The following CYRIB variants were observed in gnomAD, a reference collection of about 807,000 sequenced individuals.
CYRIB encodes the protein CYFIP-related Rac1 interactor B.
In CYRIB, 8 loss-of-function variants were observed where a neutral mutation model predicts 44.2. The ratio of observed to expected loss-of-function variants is 0.18; its 90% CI spans 0.11 to 0.33. The LOEUF is 0.33. Ranked by LOEUF, CYRIB falls within the 10% of genes least tolerant of loss-of-function variation. The pLI is 1.00. For missense variants in CYRIB, 185 were observed against 382.8 expected (o/e 0.48, Z 4.31); for synonymous variants, 131 against 127.2 (o/e 1.03, Z -0.20).
chr8:129,974,733 A>G (rs1365636082), intron 1 of CYRIB, among the ~76,000 whole-genome samples: 1 of 151,112 alleles, frequency 6.6e-6, no homozygotes, highest in East Asian at 1.9e-4. Flanking sequence ...TTTTTTTTTA[A>G]ACTTCAAACA....
At position 129,981,404 on chromosome 8, in the gene CYRIB, G is replaced by T. The variant is rs2096235106; in HGVS notation, c.-295-10409C>A. Among the ~76,000 whole-genome samples, 3 of 152,320 alleles carry T rather than the reference G, an allele frequency of 2.0e-5. No homozygotes were observed. The South Asian group carries it at 6.2e-4, about 32-fold the overall frequency. ...GGACTCAAAAGATCTGCCAACCTCA[G>T]CCGCCCGAAGCGCTGTGATTACAGG... On this transcript the variant is annotated intron_variant, in intron 1 of 14. Transcript: ENST00000401979.
intron 1 of CYRIB, among the ~76,000 whole-genome samples, chr8:129,923,284 G>A (rs1364680858): frequency 6.6e-6 from 1 of 151,394 alleles, no homozygotes; most frequent in African/African-American, 2.4e-5. Context: ...ATGTATGTAT[G>A]TATGTTTGAG....
At chr8:129,917,178 G>A (rs527261634) in intron 1 of CYRIB, among the ~76,000 whole-genome samples, 1 of 152,128 alleles carries the variant, frequency 6.6e-6, no homozygotes, top group Admixed American at 6.5e-5. Flanking sequence ...AGATTTAAGC[G>A]CTGATCTTAA....
chr8:129,984,082 G>C (rs1043760765), intron 1 of CYRIB, among the ~76,000 whole-genome samples: 1 of 152,250 alleles, frequency 6.6e-6, no homozygotes, highest in Non-Finnish European at 1.5e-5. Flanking sequence ...CTGAATGCCT[G>C]AGGAGGTGAT....
At chr8:129,925,050 A>C (rs1431914657) in intron 1 of CYRIB, among the ~76,000 whole-genome samples, 1 of 152,116 alleles carries the variant, frequency 6.6e-6, no homozygotes, top group Non-Finnish European at 1.5e-5. Flanking sequence ...CACCTTGCTA[A>C]CCTTGGGTGG....
intron 2 of CYRIB, chr8:129,949,204 C>T (rs146007081): frequency 1.4e-4 from 21 of 152,154 alleles, no homozygotes; most frequent in South Asian, 8.3e-4. Context: ...TACAGAAATA[C>T]CATCATTAGA....
chr8:129,936,122 G>C (rs1490925647), intron 1 of CYRIB, among the ~76,000 whole-genome samples: 1 of 152,122 alleles, frequency 6.6e-6, no homozygotes, highest in Non-Finnish European at 1.5e-5. Flanking sequence ...GAGATTTGCT[G>C]TTTTAAGTAT....
intron 2 of CYRIB, among the ~76,000 whole-genome samples, chr8:129,953,349 C>G (rs948787466): frequency 6.6e-6 from 1 of 152,168 alleles, no homozygotes; most frequent in African/African-American, 2.4e-5. Flanking sequence ...TGAGCGGACT[C>G]TTGACCCCTT....
rs2085897620 is a variant in CYRIB at position 129,924,291 on chromosome 8, C to CCGG, written c.-50+15316_-50+15317insCCG. 1.4e-3 allele frequency among the ~76,000 whole-genome samples: 2 copies of CCGG among 1,416 alleles called. 1 individual carries two copies. Among genetic ancestry groups the CCGG allele is most frequent in the African/African-American group, 3.1e-3 (2 of 646 alleles). 0.9% of individuals were successfully genotyped at this position (1,416 alleles called of 152,430 possible). On this transcript the variant is annotated intron_variant, in intron 1 of 11. Transcript: ENST00000519824. ...CTGCCTCCAAAAAAAAAAAAAAAAC[C>CCGG]GGGGGGGGGGGGGGTGGCGGGGGGG...
chr8:129,908,445 T>G (rs2076516766), intron 1 of CYRIB, among the ~76,000 whole-genome samples: 1 of 152,198 alleles, frequency 6.6e-6, no homozygotes, highest in African/African-American at 2.4e-5. Context: ...ATTATTTAAA[T>G]TATTAAGTTA....
chr8:129,923,237 CTT>C (rs1491201767), intron 1 of CYRIB, among the ~76,000 whole-genome samples: 1 of 42,192 alleles, frequency 2.4e-5, no homozygotes, highest in Non-Finnish European at 4.4e-5. Context: ...GAGCAAAACT[CTT>C]AAAAAGAAAA....
intron 10 of CYRIB, among the ~76,000 whole-genome samples, chr8:129,848,863 C>T (rs540823579): frequency 1.1e-4 from 16 of 152,194 alleles, no homozygotes; most frequent in African/African-American, 2.9e-4. Flanking sequence ...TGAGCCAGCA[C>T]GCCCAGCAGC....
At chr8:129,983,179 C>G (rs1416090618) in intron 1 of CYRIB, among the ~76,000 whole-genome samples, 2 of 152,190 alleles carry the variant, frequency 1.3e-5, no homozygotes, top group African/African-American at 4.8e-5. Context: ...GGCGCAGTGG[C>G]TCACGCCTGT....
At chr8:129,874,435 A>T (rs2058445840) in intron 3 of CYRIB, among the ~76,000 whole-genome samples, 1 of 152,132 alleles carries the variant, frequency 6.6e-6, no homozygotes, top group Non-Finnish European at 1.5e-5. Flanking sequence ...ATTAACTATG[A>T]AATGAAAAAA....
rs1457446216 is a variant in CYRIB at position 130,006,480 on chromosome 8, A to AAT, written c.-296+9888_-296+9889dup. Among the ~76,000 whole-genome samples the AAT allele has an allele frequency of 6.4e-5, 9 of 140,072 alleles. No homozygotes were observed. The South Asian group carries it at 1.6e-3, about 25-fold the overall frequency. The allele number at this position is 140,072 out of a possible 152,430, so 91.9% of individuals were successfully genotyped here. A position where few individuals can be genotyped will look rare whatever the true frequency, so the allele number is the denominator to read the frequency against. On this transcript the variant is annotated intron_variant, in intron 1 of 14. Transcript: ENST00000401979. ...AATAAAATAAAATAAAATAAAATAAAATATATATATATTTATTTATTTGGG... is the reference window on the plus strand; with the variant it reads ...AATAAAATAAAATAAAATAAAATAAAATATATATATATATTTATTTATTTGGG...
chr8:129,866,655 C>G (rs2053806016), intron 4 of CYRIB, among the ~76,000 whole-genome samples: 1 of 152,182 alleles, frequency 6.6e-6, no homozygotes, highest in African/African-American at 2.4e-5. Context: ...AGAAGTCGAT[C>G]CTATTTTCTT....
intron 1 of CYRIB, 73 bp from the exon 3 acceptor site, chr8:129,904,658 C>T (rs1484989139): frequency 6.6e-6 from 1 of 152,224 alleles, no homozygotes; most frequent in African/African-American, 2.4e-5. Flanking sequence ...TTCCACAATA[C>T]CATAATCCCT....
At chr8:129,867,252 T>C (rs2054160839) in intron 4 of CYRIB, among the ~76,000 whole-genome samples, 1 of 151,514 alleles carries the variant, frequency 6.6e-6, no homozygotes, top group South Asian at 2.1e-4. Context: ...GACTCCCAAG[T>C]AGCTCGAATT....
chr8:129,853,341 C>A (rs1341543611), intron 7 of CYRIB, among the ~76,000 whole-genome samples: 1 of 152,110 alleles, frequency 6.6e-6, no homozygotes, highest in Non-Finnish European at 1.5e-5. Flanking sequence ...ATGCAAAAAT[C>A]AAATTGATGC....
Sources: gnomAD v4.1 joint callset for allele counts (sites outside exome capture counted in the v4.1 genomes callset) on GRCh38, gnomAD v4.1.1 for gene constraint, MANE v1.5 for transcripts, NCBI Gene and HGNC (gene_info 2026-07-23, HGNC 2026-07-21) for gene names.